Variants in RNF182 observed in about 807,000 individuals in gnomAD.
RNF182 encodes E3 ubiquitin-protein ligase RNF182.
Under a neutral mutation model 14.4 loss-of-function variants are expected in RNF182, and 15 were observed. The observed-to-expected ratio is 1.04, with a 90% confidence interval of 0.70 to 1.60. RNF182 has a LOEUF of 1.60. Ranked by LOEUF, RNF182 falls within the 40% of genes most tolerant of loss-of-function variation. The pLI, the probability that RNF182 is intolerant of heterozygous loss-of-function variation, is 0.00. For synonymous variants in RNF182, 128 were observed against 122.9 expected (o/e 1.04, Z -0.27); for missense variants, 268 against 294.8 (o/e 0.91, Z 0.67).
intron 1 of RNF182, among the ~76,000 whole-genome samples, chr6:13,930,490 A>AC (rs1758941062): frequency 6.6e-6 from 1 of 152,176 alleles, no homozygotes; most frequent in Admixed American, 6.5e-5. Flanking sequence ...GCTACCTCTT[A>AC]CATGTGCTAA....
intron 1 of RNF182, among the ~76,000 whole-genome samples, chr6:13,952,568 C>T (rs1362515129): frequency 2.0e-5 from 3 of 152,078 alleles, no homozygotes; most frequent in African/African-American, 7.2e-5. Context: ...TATCCAAAGT[C>T]GGCCAATTGG....
chr6:13,979,926 A>T lies in RNF182; in HGVS notation c.*2063A>T, dbSNP rs78587433. On this transcript the variant is annotated 3_prime_UTR_variant, in exon 3 of 3. Coordinates refer to ENST00000488300, the MANE Select transcript of RNF182 (RefSeq NM_152737.4). ...ACCAGAAAACTCTTCATGCTATTGA[A>T]TGATAAAAAGATAATGCTTTAATAT... is the stretch of plus-strand genomic sequence containing the variant. The T allele has an allele frequency of 2.0e-3, 340 of 167,098 alleles. 3 individuals are homozygous for T. In the East Asian group the frequency reaches 0.039, roughly 19 times the overall value. 10.4% of individuals were successfully genotyped at this position (167,098 alleles called of 1,614,324 possible).
At chr6:13,933,247 G>T (rs990195171) in intron 1 of RNF182, among the ~76,000 whole-genome samples, 7 of 152,164 alleles carry the variant, frequency 4.6e-5, no homozygotes, top group Non-Finnish European at 7.3e-5. Context: ...TAAAAAGTAA[G>T]AATTGGCCAG....
At chr6:13,951,375 C>A (rs942934401) in intron 1 of RNF182, among the ~76,000 whole-genome samples, 1 of 152,136 alleles carries the variant, frequency 6.6e-6, no homozygotes, top group Non-Finnish European at 1.5e-5. Flanking sequence ...ATACTGGATC[C>A]TTGATCCCCA....
intron 1 of RNF182, among the ~76,000 whole-genome samples, chr6:13,965,225 AATG>A (rs529245282): frequency 7.4e-4 from 112 of 152,348 alleles, no homozygotes; most frequent in African/African-American, 2.6e-3. Context: ...TGAAGGTGAT[AATG>A]ATCATTCTTG....
chr6:13,976,083 A>G (rs769966439), intron 2 of RNF182, among the ~76,000 whole-genome samples: 20 of 152,238 alleles, frequency 1.3e-4, no homozygotes, highest in Non-Finnish European at 2.6e-4. Flanking sequence ...TTTGCATGAA[A>G]TAAAGTAGAT....
Position 13,976,892 on chromosome 6 carries a change from T to C in RNF182, c.-211-17T>C, listed in dbSNP as rs1760339615. On this transcript the variant is annotated splice_polypyrimidine_tract_variant and intron_variant, in intron 2 of 2. Transcript: ENST00000488300. ...GTGAACTGTTCATTATATTAGAATCTCTTTTCTTCTTTACAGACCCTTCAT... is the reference window on the plus strand; with the variant it reads ...GTGAACTGTTCATTATATTAGAATCCCTTTTCTTCTTTACAGACCCTTCAT... The C allele has an allele frequency of 1.9e-6, 1 of 524,842 alleles. No individual in the cohort carries two copies. Among genetic ancestry groups the C allele is most frequent in the Non-Finnish European group, 3.4e-6 (1 of 298,088 alleles). 32.5% of individuals were successfully genotyped at this position (524,842 alleles called of 1,614,324 possible).
intron 1 of RNF182, among the ~76,000 whole-genome samples, chr6:13,939,199 C>G (rs1055507545): frequency 2.0e-5 from 3 of 152,124 alleles, no homozygotes; most frequent in Non-Finnish European, 4.4e-5. Context: ...TAGTGTTTGG[C>G]GTTTACATAC....
chr6:13,974,120 A>G (rs988909350), intron 1 of RNF182, 90 bp from the exon 2 acceptor site: 5 of 152,082 alleles, frequency 3.3e-5, no homozygotes, highest in African/African-American at 1.2e-4. Flanking sequence ...TCATAATAAG[A>G]TAGATGAAAC....
chr6:13,950,207 C>T (rs922642856), intron 1 of RNF182, among the ~76,000 whole-genome samples: 2 of 152,070 alleles, frequency 1.3e-5, no homozygotes, highest in Non-Finnish European at 2.9e-5. Context: ...GGTGAGTGAG[C>T]GATTTTAACC....
chr6:13,965,066 C>CA (rs2113635806), intron 1 of RNF182, among the ~76,000 whole-genome samples: 1 of 152,326 alleles, frequency 6.6e-6, no homozygotes, highest in East Asian at 1.9e-4. Context: ...AGACAGAACT[C>CA]ACGCTGAATG....
intron 1 of RNF182, among the ~76,000 whole-genome samples, chr6:13,948,817 A>T (rs1759504539): frequency 6.6e-6 from 1 of 152,198 alleles, no homozygotes; most frequent in Admixed American, 6.5e-5. Context: ...TAGAGGGAAG[A>T]GTTAGCTTTC....
intron 1 of RNF182, among the ~76,000 whole-genome samples, chr6:13,960,656 AGTGTGTGT>A (rs745687828): frequency 0.02 from 2,648 of 133,202 alleles, 68 homozygotes; most frequent in African/African-American, 0.061. Flanking sequence ...GGAGAGAGAG[AGTGTGTGT>A]GTGTGTGTGT....
chr6:13,937,069 G>A (rs969207653), intron 1 of RNF182, among the ~76,000 whole-genome samples: 2 of 152,140 alleles, frequency 1.3e-5, no homozygotes, highest in Non-Finnish European at 2.9e-5. Context: ...AGTCTCTCAT[G>A]GTGTTGCATA....
chr6:13,971,054 C>T (rs1371122750), intron 1 of RNF182, among the ~76,000 whole-genome samples: 1 of 152,020 alleles, frequency 6.6e-6, no homozygotes, highest in East Asian at 1.9e-4. Flanking sequence ...CATTGTTAGC[C>T]ACTCCATAGC....
At position 13,974,381 on chromosome 6, in the gene RNF182, C is replaced by T. The variant is rs1159332010; in HGVS notation, c.-212+17C>T. 1 of 152,152 alleles carries T rather than the reference C, an allele frequency of 6.6e-6. No individual in the cohort carries two copies. Among genetic ancestry groups the T allele is most frequent in the African/African-American group, 2.4e-5 (1 of 41,424 alleles). The allele number at this position is 152,152 out of a possible 1,614,324, so 9.4% of individuals were successfully genotyped here. The stretch of plus-strand genomic sequence containing the variant: ...GGAATTAGAGTAGGTATATTTTTTA[C>T]TGGATATTTGAATATTGAGTATTTC... On this transcript the variant is annotated intron_variant, in intron 2 of 2. Transcript: ENST00000488300.
intron 1 of RNF182, among the ~76,000 whole-genome samples, chr6:13,957,350 G>T (rs1316906646): frequency 6.6e-6 from 1 of 152,102 alleles, no homozygotes; most frequent in Non-Finnish European, 1.5e-5. Flanking sequence ...AGCCACTGAG[G>T]GCAAATAAAT....
intron 1 of RNF182, among the ~76,000 whole-genome samples, chr6:13,959,838 G>GTAC (rs1759822228): frequency 1.3e-5 from 2 of 152,122 alleles, no homozygotes; most frequent in Non-Finnish European, 2.9e-5. Flanking sequence ...ACAAATGGAG[G>GTAC]TACTGTAAGC....
rs1758777375 is a variant in RNF182, at chr6:13,925,002, G to T, written c.-388G>T. Reference sequence around the variant, plus strand: ...CCGCCGCAGCCGGAGCGGCTCCCGGGCCCTGGGCCGCCGCCGGCCAGGTAA... The same window carrying T: ...CCGCCGCAGCCGGAGCGGCTCCCGGTCCCTGGGCCGCCGCCGGCCAGGTAA... On this transcript the variant is annotated 5_prime_UTR_variant, in exon 1 of 3. Transcript: ENST00000488300. 1.3e-4 allele frequency: 1 copy of T among 7,826 alleles called. No individual in the cohort carries two copies. Among genetic ancestry groups the T allele is most frequent in the Non-Finnish European group, 3.5e-4 (1 of 2,840 alleles). The allele number at this position is 7,826 out of a possible 1,614,324, so 0.5% of individuals were successfully genotyped here.
Sources: allele counts gnomAD v4.1 joint callset (sites outside exome capture counted in the v4.1 genomes callset), GRCh38; gene constraint gnomAD v4.1.1; transcripts MANE v1.5; gene names NCBI Gene and HGNC (gene_info 2026-07-23, HGNC 2026-07-21).